Variants in ANXA8 observed in about 807,000 individuals in gnomAD.
ANXA8 encodes the protein annexin A8.
Under a neutral mutation model 26.8 loss-of-function variants are expected in ANXA8, and 9 were observed. The observed-to-expected ratio is 0.34, with a 90% CI of 0.20 to 0.59. The LOEUF (loss-of-function observed/expected upper bound fraction) is 0.59, where lower values mean the gene tolerates loss of function less well. Among genes scored for constraint, ANXA8 ranks in the 20% least tolerant of loss-of-function variants. ANXA8 has a pLI of 0.84. For missense variants in ANXA8, 83 were observed against 238.5 expected (o/e 0.35, Z 4.29); for synonymous variants, 39 against 94.8 (o/e 0.41, Z 3.42).
At chr10:47,954,968 C>G in the ANXA8 span, among the ~76,000 whole-genome samples, 1 of 149,736 alleles carries the variant, frequency 6.7e-6, no homozygotes. Flanking sequence ...GGAGCCCACA[C>G]AAGAGACTAC....
At chr10:47,469,027 G>C in intron 11 of ANXA8, 121 bp from the exon 12 acceptor site, 1 of 1,398,620 alleles carries the variant, frequency 7.1e-7, no homozygotes, top group South Asian at 1.2e-5. Flanking sequence ...GGCCCTCCAG[G>C]GTTCCTAGCC....
chr10:47,937,564 C>G, the ANXA8 span, among the ~76,000 whole-genome samples: 3 of 140,414 alleles, frequency 2.1e-5, no homozygotes, highest in South Asian at 4.7e-4. Flanking sequence ...TTTAATCACT[C>G]AGGTACTGAG....
At chr10:47,696,527 A>G in the ANXA8 span, 2 of 1,256,740 alleles carry the variant, frequency 1.6e-6, no homozygotes, top group East Asian at 2.7e-5. Flanking sequence ...CACATTTTAA[A>G]TGAAGTAATG....
chr10:47,769,772 T>G, the ANXA8 span, among the ~76,000 whole-genome samples: 6 of 152,424 alleles, frequency 3.9e-5, no homozygotes, highest in South Asian at 1.2e-3. Flanking sequence ...AAGTTCTCTC[T>G]TCCCTGTACC....
chr10:47,944,672 GCT>G, the ANXA8 span, among the ~76,000 whole-genome samples: 1 of 150,582 alleles, frequency 6.6e-6, no homozygotes. Flanking sequence ...CCCTGCACAT[GCT>G]CTCTTTTGCC....
At chr10:47,473,770 T>C (rs1195931185) in intron 9 of ANXA8, among the ~76,000 whole-genome samples, 200 bp downstream of exon 9, 29 of 124 alleles carry the variant, frequency 0.23, no homozygotes, top group South Asian at 0.5. Flanking sequence ...GAGAACAATC[T>C]TTGGCAGCAC....
the ANXA8 span, among the ~76,000 whole-genome samples, chr10:47,618,602 C>A: frequency 8.8e-6 from 1 of 114,164 alleles, no homozygotes; most frequent in African/African-American, 3.4e-5. Context: ...ATAGGTTATC[C>A]ATTAAAAAAC....
At chr10:47,982,834 A>ATAT in the ANXA8 span, among the ~76,000 whole-genome samples, 32 of 67,574 alleles carry the variant, frequency 4.7e-4, no homozygotes, top group South Asian at 1.3e-3. Context: ...ATATATATAT[A>ATAT]AAATTTGATA....
At chr10:47,530,562 A>G in the ANXA8 span, among the ~76,000 whole-genome samples, 1 of 150,776 alleles carries the variant, frequency 6.6e-6, no homozygotes, top group Non-Finnish European at 1.5e-5. Flanking sequence ...GCGTGGTGGC[A>G]GGCGCCTGTA....
the ANXA8 span, among the ~76,000 whole-genome samples, chr10:47,543,828 G>A: frequency 7.2e-6 from 1 of 139,628 alleles, no homozygotes; most frequent in Non-Finnish European, 1.5e-5. Flanking sequence ...AGAGGAAAAG[G>A]GGCAGGCACA....
the ANXA8 span, among the ~76,000 whole-genome samples, chr10:47,728,794 G>T: frequency 2.1e-5 from 3 of 145,838 alleles, no homozygotes; most frequent in Non-Finnish European, 3.0e-5. Flanking sequence ...TGCTCTTGTT[G>T]CCTAGACTGG....
the ANXA8 span, among the ~76,000 whole-genome samples, chr10:47,606,948 C>T: frequency 6.6e-6 from 1 of 152,080 alleles, no homozygotes; most frequent in Non-Finnish European, 1.5e-5. Flanking sequence ...GCCTAGCCAA[C>T]ATTTTTCACA....
chr10:47,966,090 G>A, the ANXA8 span, among the ~76,000 whole-genome samples: 1 of 142,778 alleles, frequency 7.0e-6, no homozygotes, highest in Non-Finnish European at 1.6e-5. Flanking sequence ...TAGCCAAGTT[G>A]GAAGTGGGAG....
At chr10:47,599,826 A>T in the ANXA8 span, 3 of 149,964 alleles carry the variant, frequency 2.0e-5, no homozygotes, top group African/African-American at 7.6e-5. Flanking sequence ...TTCAAACAGC[A>T]GTTCGTTCCT....
chr10:47,676,084 A>G, the ANXA8 span, among the ~76,000 whole-genome samples: 409 of 151,708 alleles, frequency 2.7e-3, no homozygotes, highest in Middle Eastern at 0.01. Context: ...TTAACAGTTT[A>G]TGGACATAGC....
chr10:47,548,808 C>T, the ANXA8 span, among the ~76,000 whole-genome samples: 2 of 151,820 alleles, frequency 1.3e-5, no homozygotes. Context: ...CCATCAGGAA[C>T]AAGGGTCCCA....
the ANXA8 span, chr10:47,510,332 T>A: frequency 9.8e-7 from 1 of 1,024,456 alleles, no homozygotes; most frequent in Non-Finnish European, 1.3e-6. Flanking sequence ...TCAGTTAAAA[T>A]GTCAAATGAC....
At chr10:47,659,163 A>G in the ANXA8 span, among the ~76,000 whole-genome samples, 1 of 151,736 alleles carries the variant, frequency 6.6e-6, no homozygotes, top group Admixed American at 6.6e-5. Flanking sequence ...GAACCACTGC[A>G]CCCGGCTGTG....
chr10:47,685,596 A>G, the ANXA8 span, among the ~76,000 whole-genome samples: 1 of 151,760 alleles, frequency 6.6e-6, no homozygotes, highest in Non-Finnish European at 1.5e-5. Flanking sequence ...AGTTTGGGAG[A>G]GAGATTGGCT....
Sources: gnomAD v4.1 joint callset for allele counts (sites outside exome capture counted in the v4.1 genomes callset) on GRCh38, gnomAD v4.1.1 for gene constraint, MANE v1.5 for transcripts, NCBI Gene and HGNC (gene_info 2026-07-23, HGNC 2026-07-21) for gene names.